PRRX2: variants seen among roughly 807,000 people sequenced by gnomAD.
The protein encoded by PRRX2 is paired related homeobox 2, also known as paired mesoderm homeobox protein 2.
In PRRX2, 11 loss-of-function variants were observed where a neutral mutation model predicts 18.0. The ratio of observed to expected loss-of-function variants is 0.61; its 90% confidence interval spans 0.39 to 1.01. PRRX2 has a LOEUF of 1.01. Among genes scored for constraint, PRRX2 ranks in the 50% least tolerant of loss-of-function variants. The pLI is 0.01. For missense variants in PRRX2, 387 were observed against 351.0 expected, an observed-to-expected ratio of 1.10 and a Z score of -0.82; for synonymous variants, 177 against 154.8, an observed-to-expected ratio of 1.14 and a Z score of -1.06.
At chr9:129,677,760 C>A (rs1832178966) in intron 1 of PRRX2, among the ~76,000 whole-genome samples, 1 of 152,216 alleles carries the variant, frequency 6.6e-6, no homozygotes, top group Non-Finnish European at 1.5e-5. Context: ...CACCACATCC[C>A]TGCGGGAGGA....
At chr9:129,708,158 C>T (rs917928872) in intron 1 of PRRX2, among the ~76,000 whole-genome samples, 3 of 152,156 alleles carry the variant, frequency 2.0e-5, no homozygotes, top group Non-Finnish European at 4.4e-5. Context: ...GCCTCAGCCT[C>T]CCGAGTAACT....
intron 1 of PRRX2, among the ~76,000 whole-genome samples, chr9:129,691,104 C>T (rs1832355334): frequency 6.7e-6 from 1 of 149,356 alleles, no homozygotes; most frequent in African/African-American, 2.5e-5. Context: ...GCGGGTGGAT[C>T]ACTTGAGGTC....
chr9:129,685,213 TGGGCCCA>T (rs1329945833), intron 1 of PRRX2, among the ~76,000 whole-genome samples: 3 of 152,218 alleles, frequency 2.0e-5, no homozygotes, highest in South Asian at 2.1e-4. Context: ...GGGGTCTGGC[TGGGCCCA>T]GGGCCCCCTA....
At chr9:129,693,968 G>T (rs1211481935) in intron 1 of PRRX2, among the ~76,000 whole-genome samples, 2 of 152,176 alleles carry the variant, frequency 1.3e-5, no homozygotes, top group African/African-American at 4.8e-5. Context: ...CCCCAGCAGG[G>T]AGTGAAGGCA....
At position 129,705,955 on chromosome 9, in the gene PRRX2, C is replaced by T. The variant is rs529310702; in HGVS notation, c.260-13276C>T. Among the ~76,000 whole-genome samples the T allele has an allele frequency of 4.3e-3, 659 of 152,030 alleles. 7 individuals carry two copies. Among genetic ancestry groups the T allele is most frequent in the Non-Finnish European group, 6.4e-3 (433 of 67,982 alleles). On this transcript the variant is annotated intron_variant, in intron 1 of 3. Coordinates refer to ENST00000372469, the MANE Select transcript of PRRX2 (RefSeq NM_016307.4). Reference sequence around the variant, plus strand: ...GGCCCCTGACCTCTTGGGGCCTCCCCGGCACCCCAGCCCACCTCACTCCTC... The same window carrying T: ...GGCCCCTGACCTCTTGGGGCCTCCCTGGCACCCCAGCCCACCTCACTCCTC...
chr9:129,713,972 C>T (rs1041485303), intron 1 of PRRX2, among the ~76,000 whole-genome samples: 6 of 151,796 alleles, frequency 4.0e-5, no homozygotes, highest in African/African-American at 1.2e-4. Flanking sequence ...CCCAGATGTA[C>T]GACGTTGGGC....
At chr9:129,677,313 C>T (rs989900433) in intron 1 of PRRX2, among the ~76,000 whole-genome samples, 2 of 152,310 alleles carry the variant, frequency 1.3e-5, no homozygotes, top group Non-Finnish European at 2.9e-5. Flanking sequence ...GCGAGGAAAC[C>T]GAGGCTTAGA....
At chr9:129,710,689 C>T (rs955444386) in intron 1 of PRRX2, among the ~76,000 whole-genome samples, 4 of 152,138 alleles carry the variant, frequency 2.6e-5, no homozygotes, top group Non-Finnish European at 5.9e-5. Context: ...GCAGAGATCG[C>T]GCCAGTGCAC....
chr9:129,667,441 A>G (rs1832040027), intron 1 of PRRX2, among the ~76,000 whole-genome samples: 1 of 152,192 alleles, frequency 6.6e-6, no homozygotes, highest in Non-Finnish European at 1.5e-5. Context: ...CCCCAACCCC[A>G]GGACAGAGGA....
intron 1 of PRRX2, among the ~76,000 whole-genome samples, chr9:129,672,554 C>T (rs1832112195): frequency 6.6e-6 from 1 of 152,206 alleles, no homozygotes; most frequent in African/African-American, 2.4e-5. Flanking sequence ...TGTCCACACC[C>T]AGGCAGGCGC....
At chr9:129,676,759 G>T (rs889348730) in intron 1 of PRRX2, among the ~76,000 whole-genome samples, 1 of 152,242 alleles carries the variant, frequency 6.6e-6, no homozygotes, top group Non-Finnish European at 1.5e-5. Flanking sequence ...CATTCCAAGT[G>T]TGGGTGCTGG....
Position 129,719,234 on chromosome 9 carries a change from A to C in PRRX2, c.263A>C (p.Glu88Ala), listed in dbSNP as rs751921861. The C allele has an allele frequency of 2.5e-6, 4 of 1,586,396 alleles. No individual in the cohort carries two copies. Among genetic ancestry groups the C allele is most frequent in the Non-Finnish European group, 3.4e-6 (4 of 1,166,122 alleles). The change falls in exon 2 of 4, where the codon GAG becomes GCG. Residue 88 changes from glutamate (E) to alanine (A), a missense_variant. Glu to Ala is a moderately radical substitution (Grantham distance 107). Transcript: ENST00000372469. The part of the protein sequence containing the change: ...SGSEAAPQDG[E>A]CPSPGRGSAA... ...CCCGCCCCCCCAACCTCCGCAGGTG[A>C]GTGTCCCAGCCCGGGGCGCGGTAGC...
At chr9:129,674,700 G>A (rs535749646) in intron 1 of PRRX2, among the ~76,000 whole-genome samples, 75 of 152,250 alleles carry the variant, frequency 4.9e-4, no homozygotes, top group African/African-American at 1.7e-3. Flanking sequence ...TGCCCAAGAC[G>A]CAGTGAGAAG....
intron 1 of PRRX2, among the ~76,000 whole-genome samples, chr9:129,703,000 G>C (rs1338778325): frequency 2.0e-5 from 3 of 152,370 alleles, no homozygotes; most frequent in African/African-American, 7.2e-5. Flanking sequence ...ATGTCGTGGG[G>C]ACCACAGGGA....
chr9:129,666,259 C>T (rs889779533), intron 1 of PRRX2, 133 bp downstream of exon 1: 5 of 727,280 alleles, frequency 6.9e-6, no homozygotes, highest in African/African-American at 5.8e-5. Flanking sequence ...CTTCTGGGGG[C>T]GCGTGTAAGT....
At chr9:129,684,007 A>T (rs1473537959) in intron 1 of PRRX2, among the ~76,000 whole-genome samples, 2 of 152,138 alleles carry the variant, frequency 1.3e-5, no homozygotes, top group Non-Finnish European at 1.5e-5. Flanking sequence ...CCAGAGAGGG[A>T]CCCATGACCC....
At chr9:129,698,513 C>A (rs1424373681) in intron 1 of PRRX2, among the ~76,000 whole-genome samples, 1 of 152,178 alleles carries the variant, frequency 6.6e-6, no homozygotes, top group Non-Finnish European at 1.5e-5. Flanking sequence ...TCCCGCCACG[C>A]CTGCCTTCCT....
intron 1 of PRRX2, 66 bp from the exon 2 acceptor site, chr9:129,719,165 G>A (rs1419613097): frequency 2.1e-6 from 3 of 1,408,540 alleles, no homozygotes; most frequent in Non-Finnish European, 2.8e-6. Context: ...TGCAGAGTTG[G>A]GGGCTGAACT....
intron 1 of PRRX2, among the ~76,000 whole-genome samples, chr9:129,691,542 T>C (rs1393770211): frequency 6.6e-6 from 1 of 152,170 alleles, no homozygotes; most frequent in East Asian, 1.9e-4. Context: ...ATTGATGTTA[T>C]GTTGTGGCTT....
Sources: allele counts gnomAD v4.1 joint callset (sites outside exome capture counted in the v4.1 genomes callset), GRCh38; gene constraint gnomAD v4.1.1; transcripts MANE v1.5; gene names NCBI Gene and HGNC (gene_info 2026-07-23, HGNC 2026-07-21).